The following CLVS1 variants were observed in gnomAD, a reference collection of about 807,000 sequenced individuals.
CLVS1 encodes clavesin 1, also known as clavesin-1.
Under a neutral mutation model 33.1 loss-of-function variants are expected in CLVS1, and 10 were observed. The observed-to-expected ratio is 0.30, with a 90% confidence interval of 0.19 to 0.51. The LOEUF is 0.51. Among genes scored for constraint, CLVS1 ranks in the 20% least tolerant of loss-of-function variants. The pLI, the probability that CLVS1 is intolerant of heterozygous loss-of-function variation, is 0.97. For missense variants in CLVS1, 343 were observed against 433.4 expected, an observed-to-expected ratio of 0.79 and a Z score of 1.85; for synonymous variants, 163 against 166.1, an observed-to-expected ratio of 0.98 and a Z score of 0.14.
intron 5 of CLVS1, among the ~76,000 whole-genome samples, chr8:61,494,797 A>T (rs775430923): frequency 1.3e-5 from 2 of 152,052 alleles, no homozygotes; most frequent in African/African-American, 4.8e-5. Context: ...TTACTTTCTA[A>T]TTTTTTCCAG....
intron 5 of CLVS1, among the ~76,000 whole-genome samples, chr8:61,476,907 C>T (rs1333549031): frequency 6.6e-6 from 1 of 152,166 alleles, no homozygotes; most frequent in Non-Finnish European, 1.5e-5. Context: ...CAGTTTTTGT[C>T]CATTGAGTAT....
intron 5 of CLVS1, among the ~76,000 whole-genome samples, chr8:61,476,560 T>G (rs1214838635): frequency 6.6e-6 from 1 of 152,236 alleles, no homozygotes; most frequent in Non-Finnish European, 1.5e-5. Flanking sequence ...TTTGAAGCAA[T>G]TGTGAATGGG....
At chr8:61,188,482 T>G (rs563825476) in intron 2 of CLVS1, among the ~76,000 whole-genome samples, 83 of 135,284 alleles carry the variant, frequency 6.1e-4, no homozygotes, top group African/African-American at 2.0e-3. Context: ...ACTAAAATGA[T>G]CAAAAACAGA....
chr8:61,460,534 C>G (rs1387626889), intron 5 of CLVS1, among the ~76,000 whole-genome samples: 3 of 152,118 alleles, frequency 2.0e-5, no homozygotes, highest in Non-Finnish European at 4.4e-5. Context: ...AGGTAGTTGC[C>G]TAATAATTTC....
At chr8:61,290,365 C>A (rs556317257) in intron 1 of CLVS1, among the ~76,000 whole-genome samples, 1 of 152,188 alleles carries the variant, frequency 6.6e-6, no homozygotes, top group Non-Finnish European at 1.5e-5. Flanking sequence ...AGCTATTTTG[C>A]CTTTAAAAAA....
chr8:61,316,205 G>A (rs905121227), intron 2 of CLVS1, among the ~76,000 whole-genome samples: 2 of 152,134 alleles, frequency 1.3e-5, no homozygotes, highest in African/African-American at 4.8e-5. Context: ...ATATGCACAC[G>A]TATGTTTATT....
chr8:61,130,844 C>T (rs1257364264), intron 1 of CLVS1, among the ~76,000 whole-genome samples: 1 of 152,138 alleles, frequency 6.6e-6, no homozygotes, highest in African/African-American at 2.4e-5. Context: ...CTTCCCTGGA[C>T]CCCTTTCTTT....
intron 1 of CLVS1, among the ~76,000 whole-genome samples, chr8:61,096,201 A>G (rs1805347582): frequency 1.3e-5 from 2 of 152,122 alleles, no homozygotes; most frequent in African/African-American, 4.8e-5. Context: ...AAACAGCTCA[A>G]CTCAAACTCA....
At chr8:61,270,663 A>G (rs1460805751) in intron 2 of CLVS1, among the ~76,000 whole-genome samples, 1 of 152,132 alleles carries the variant, frequency 6.6e-6, no homozygotes. Context: ...TTTGGTTGGT[A>G]AGCTATGGAT....
chr8:61,231,446 G>A (rs1224651883), intron 2 of CLVS1, among the ~76,000 whole-genome samples: 1 of 152,164 alleles, frequency 6.6e-6, no homozygotes, highest in Admixed American at 6.5e-5. Context: ...TGTCAGGGTA[G>A]GTCTCTGTAT....
intron 1 of CLVS1, among the ~76,000 whole-genome samples, chr8:61,098,882 G>A (rs565883119): frequency 1.3e-5 from 2 of 152,058 alleles, no homozygotes; most frequent in African/African-American, 4.8e-5. Flanking sequence ...TGCCAAAAAT[G>A]AAGCAAAAAA....
At chr8:61,108,247 A>T (rs1805572320) in intron 1 of CLVS1, among the ~76,000 whole-genome samples, 1 of 151,964 alleles carries the variant, frequency 6.6e-6, no homozygotes, top group African/African-American at 2.4e-5. Flanking sequence ...ATAAAAAAAA[A>T]ATCTCTGCCC....
chr8:61,122,681 A>C (rs1805898820), intron 1 of CLVS1, among the ~76,000 whole-genome samples: 1 of 152,136 alleles, frequency 6.6e-6, no homozygotes, highest in South Asian at 2.1e-4. Context: ...TTTTCAGAGC[A>C]TCATGAAAGT....
At chr8:61,110,832 A>G (rs1230573530) in intron 1 of CLVS1, among the ~76,000 whole-genome samples, 1 of 152,174 alleles carries the variant, frequency 6.6e-6, no homozygotes, top group Non-Finnish European at 1.5e-5. Flanking sequence ...CACTTACCAT[A>G]ATGTCCTCAA....
intron 2 of CLVS1, among the ~76,000 whole-genome samples, chr8:61,262,573 A>T (rs1335672214): frequency 6.6e-6 from 1 of 152,188 alleles, no homozygotes; most frequent in African/African-American, 2.4e-5. Flanking sequence ...TATTCTGAAA[A>T]GAGGAATTGT....
intron 1 of CLVS1, among the ~76,000 whole-genome samples, chr8:61,071,462 G>T (rs1804795076): frequency 6.6e-6 from 1 of 152,136 alleles, no homozygotes; most frequent in East Asian, 1.9e-4. Flanking sequence ...TTCCTCCTAT[G>T]CAGTCAGATC....
intron 1 of CLVS1, among the ~76,000 whole-genome samples, chr8:61,063,262 A>AAT (rs753687387): frequency 8.8e-6 from 1 of 114,182 alleles, no homozygotes; most frequent in African/African-American, 5.0e-5. Context: ...TGAGGAAGCG[A>AAT]GAGAGAGAGA....
intron 2 of CLVS1, among the ~76,000 whole-genome samples, chr8:61,304,397 A>G (rs185774706): frequency 3.9e-5 from 6 of 152,268 alleles, no homozygotes; most frequent in African/African-American, 1.4e-4. Flanking sequence ...TGGGCATTGG[A>G]CCTCAGCAGA....
chr8:61,280,273 G>A (rs1237084588), intron 2 of CLVS1, among the ~76,000 whole-genome samples: 1 of 152,148 alleles, frequency 6.6e-6, no homozygotes, highest in Non-Finnish European at 1.5e-5. Flanking sequence ...AGAAGTTTAT[G>A]GTAAGTTTTA....
Sources: gnomAD v4.1 joint callset for allele counts (sites outside exome capture counted in the v4.1 genomes callset) on GRCh38, gnomAD v4.1.1 for gene constraint, MANE v1.5 for transcripts, NCBI Gene and HGNC (gene_info 2026-07-23, HGNC 2026-07-21) for gene names.